Variants in MDGA2 observed in about 807,000 individuals in gnomAD.
The protein encoded by MDGA2 is MAM domain-containing glycosylphosphatidylinositol anchor protein 2.
MDGA2 carries 40 observed loss-of-function variants against 117.8 expected under a neutral mutation model. That is an observed-to-expected ratio of 0.34 (90% CI 0.26 to 0.44). MDGA2 has a LOEUF of 0.44. Ranked by LOEUF, MDGA2 falls within the 20% of genes least tolerant of loss-of-function variation. The pLI is 1.00. For synonymous variants in MDGA2, 452 were observed against 439.0 expected, an observed-to-expected ratio of 1.03 and a Z score of -0.37; for missense variants, 1,123 against 1,250.6, an observed-to-expected ratio of 0.90 and a Z score of 1.54.
chr14:47,202,422 G>A (rs1337171068), intron 3 of MDGA2, among the ~76,000 whole-genome samples: 1 of 152,144 alleles, frequency 6.6e-6, no homozygotes, highest in Non-Finnish European at 1.5e-5. Context: ...TTAACTTCCT[G>A]ATTTTTTTTT....
intron 7 of MDGA2, among the ~76,000 whole-genome samples, chr14:47,059,788 GA>G (rs1889815534): frequency 6.6e-6 from 1 of 152,004 alleles, no homozygotes; most frequent in South Asian, 2.1e-4. Context: ...ACCAAACAAA[GA>G]AATGGTTTTG....
intron 1 of MDGA2, among the ~76,000 whole-genome samples, chr14:47,302,112 A>C (rs1889304684): frequency 6.6e-6 from 1 of 152,200 alleles, no homozygotes; most frequent in Admixed American, 6.5e-5. Flanking sequence ...TTCTTGATTA[A>C]GCCATGGAAG....
At chr14:47,063,991 A>G (rs1442058707) in intron 6 of MDGA2, among the ~76,000 whole-genome samples, 1 of 152,026 alleles carries the variant, frequency 6.6e-6, no homozygotes, top group Admixed American at 6.6e-5. Context: ...GATTTAAAAT[A>G]CTAAACAACT....
intron 8 of MDGA2, 106 bp from the exon 9 acceptor site, chr14:46,957,749 G>A: frequency 1.6e-6 from 2 of 1,247,214 alleles, no homozygotes; most frequent in Non-Finnish European, 2.3e-6. Context: ...AGCAATAGAG[G>A]AGGAGTGTAG....
intron 1 of MDGA2, among the ~76,000 whole-genome samples, chr14:47,385,831 G>A (rs1326872534): frequency 6.6e-6 from 1 of 152,162 alleles, no homozygotes; most frequent in East Asian, 1.9e-4. Flanking sequence ...AACTGAGGCA[G>A]TTGCTTACCT....
rs574588484 is a variant in MDGA2, at chr14:47,192,354, G to A, written c.595+25667C>T. Among the ~76,000 whole-genome samples the A allele has an allele frequency of 9.2e-5, 14 of 152,216 alleles. No individual in the cohort carries two copies. The South Asian group carries it at 2.5e-3, about 27-fold the overall frequency. ...TATGGGGCCGAACGAGGTGACTCAT[G>A]CCTGTCAGCCCAGAACTTGGGAGGC... On this transcript the variant is annotated intron_variant, in intron 3 of 16. Transcript: ENST00000399232.
intron 9 of MDGA2, among the ~76,000 whole-genome samples, chr14:46,951,006 A>G (rs1885353479): frequency 6.6e-6 from 1 of 151,956 alleles, no homozygotes; most frequent in African/African-American, 2.4e-5. Context: ...TTTAGGTGAT[A>G]TTAAAGTCCT....
chr14:47,222,938 T>C (rs995725181), intron 2 of MDGA2, among the ~76,000 whole-genome samples: 1 of 152,224 alleles, frequency 6.6e-6, no homozygotes, highest in Admixed American at 6.5e-5. Flanking sequence ...TCACGCTGCC[T>C]GTAAAGACAT....
intron 6 of MDGA2, among the ~76,000 whole-genome samples, chr14:47,063,014 C>T (rs1889948581): frequency 6.6e-6 from 1 of 152,004 alleles, no homozygotes; most frequent in South Asian, 2.1e-4. Context: ...GTTCTGACTA[C>T]AGGACATGAA....
intron 8 of MDGA2, among the ~76,000 whole-genome samples, chr14:46,982,943 T>C (rs2138391904): frequency 6.6e-6 from 1 of 152,082 alleles, no homozygotes; most frequent in South Asian, 2.1e-4. Context: ...GGCTGTGGGT[T>C]TGTTGTAGAT....
intron 1 of MDGA2, among the ~76,000 whole-genome samples, chr14:47,545,484 A>G (rs1215678843): frequency 6.6e-6 from 1 of 152,184 alleles, no homozygotes; most frequent in Non-Finnish European, 1.5e-5. Context: ...AAAAAAGAAC[A>G]TGTTCATGAT....
chr14:47,243,638 G>A (rs1202657200), intron 2 of MDGA2, among the ~76,000 whole-genome samples: 1 of 151,228 alleles, frequency 6.6e-6, no homozygotes, highest in Non-Finnish European at 1.5e-5. Flanking sequence ...CTTCACTCCT[G>A]AGCCAGCGAG....
chr14:47,380,184 C>A (rs1891580885), intron 1 of MDGA2, among the ~76,000 whole-genome samples: 1 of 152,074 alleles, frequency 6.6e-6, no homozygotes, highest in Non-Finnish European at 1.5e-5. Flanking sequence ...AGAACAAAGA[C>A]ACAACATACG....
chr14:47,018,256 C>A (rs1158557002), intron 8 of MDGA2, among the ~76,000 whole-genome samples: 1 of 151,718 alleles, frequency 6.6e-6, no homozygotes, highest in Non-Finnish European at 1.5e-5. Flanking sequence ...AATTGCTATA[C>A]ATGATAAGTA....
At chr14:47,073,985 T>TTGAA (rs1438457213) in intron 6 of MDGA2, among the ~76,000 whole-genome samples, 1 of 151,934 alleles carries the variant, frequency 6.6e-6, no homozygotes, top group African/African-American at 2.4e-5. Context: ...CAGCTTTGCA[T>TTGAA]TGAATATCAC....
At chr14:47,357,460 A>G (rs1278948638) in intron 1 of MDGA2, among the ~76,000 whole-genome samples, 1 of 152,226 alleles carries the variant, frequency 6.6e-6, no homozygotes, top group East Asian at 1.9e-4. Flanking sequence ...ACTATTTACT[A>G]GCAGAACAGG....
chr14:46,839,931 T>C (rs1172345110), downstream of MDGA2, among the ~76,000 whole-genome samples: 3 of 151,956 alleles, frequency 2.0e-5, no homozygotes, highest in Non-Finnish European at 4.4e-5. Context: ...TATTACAATA[T>C]AGGGGAGTGC....
intron 1 of MDGA2, among the ~76,000 whole-genome samples, chr14:47,405,100 TC>T (rs1364557290): frequency 2.6e-5 from 4 of 152,206 alleles, no homozygotes; most frequent in Admixed American, 2.6e-4. Flanking sequence ...TCTATGTATT[TC>T]TTGTCTAATA....
intron 1 of MDGA2, among the ~76,000 whole-genome samples, chr14:47,668,771 C>A (rs1898022562): frequency 6.6e-6 from 1 of 152,162 alleles, no homozygotes; most frequent in Non-Finnish European, 1.5e-5. Flanking sequence ...AAAAGGGAGC[C>A]TAAGGAAGAC....
Sources: allele counts gnomAD v4.1 joint callset (sites outside exome capture counted in the v4.1 genomes callset), GRCh38; gene constraint gnomAD v4.1.1; transcripts MANE v1.5; gene names NCBI Gene and HGNC (gene_info 2026-07-23, HGNC 2026-07-21).